EPB41: variants seen among roughly 807,000 people sequenced by gnomAD.
EPB41 encodes erythrocyte membrane protein band 4.1.
A neutral mutation model predicts 108.0 loss-of-function variants in EPB41; 65 were observed. The observed-to-expected ratio is 0.60, with a 90% CI of 0.49 to 0.74. The LOEUF (loss-of-function observed/expected upper bound fraction) is 0.74, where lower values mean the gene tolerates loss of function less well. Ranked by LOEUF, EPB41 falls within the 30% of genes least tolerant of loss-of-function variation. The probability of loss-of-function intolerance (pLI) is 0.00; values close to 1 mark genes in which losing one functional copy is unlikely to be tolerated. For synonymous variants in EPB41, 336 were observed against 358.9 expected (o/e 0.94, Z 0.72); for missense variants, 875 against 1,037.0 (o/e 0.84, Z 2.15).
chr1:29,113,953 G>C (rs554465146), intron 19 of EPB41, among the ~76,000 whole-genome samples: 11 of 152,276 alleles, frequency 7.2e-5, no homozygotes, highest in African/African-American at 2.6e-4. Flanking sequence ...GAGAAGACTT[G>C]AGCTGGGCCT....
At chr1:28,982,320 C>G in intron 1 of EPB41, 1 of 626,320 alleles carries the variant, frequency 1.6e-6, no homozygotes, top group Non-Finnish European at 3.1e-6. Context: ...TCTTGCCTGT[C>G]TTTTATCTCT....
At chr1:29,107,112 G>A (rs1381855560) in intron 17 of EPB41, among the ~76,000 whole-genome samples, 1 of 151,846 alleles carries the variant, frequency 6.6e-6, no homozygotes, top group Non-Finnish European at 1.5e-5. Context: ...GAACCCAGGA[G>A]GTGGAGGTTG....
At chr1:28,891,705 C>T (rs531195016) in intron 1 of EPB41, among the ~76,000 whole-genome samples, 18 of 152,250 alleles carry the variant, frequency 1.2e-4, no homozygotes, top group South Asian at 2.1e-4. Flanking sequence ...GCTGCAGTTC[C>T]GGGTTTGTGT....
At chr1:29,025,721 A>AT (rs2096710206) in intron 7 of EPB41, among the ~76,000 whole-genome samples, 1 of 151,842 alleles carries the variant, frequency 6.6e-6, no homozygotes, top group Admixed American at 6.6e-5. Flanking sequence ...AATGTGTATG[A>AT]TTTTTATAAT....
chr1:28,928,630 G>A (rs56277636), intron 1 of EPB41, among the ~76,000 whole-genome samples: 3,444 of 152,250 alleles, frequency 0.023, 47 homozygotes, highest in Non-Finnish European at 0.036. Flanking sequence ...TGATACCTGA[G>A]AAAACTACAG....
intron 1 of EPB41, among the ~76,000 whole-genome samples, chr1:28,976,358 T>C (rs1252904127): frequency 6.6e-6 from 1 of 152,102 alleles, no homozygotes; most frequent in African/African-American, 2.4e-5. Flanking sequence ...TGGAATCTAA[T>C]TTTTTTATTT....
chr1:29,075,001 A>AG (rs2151161184), intron 16 of EPB41, among the ~76,000 whole-genome samples: 1 of 152,158 alleles, frequency 6.6e-6, no homozygotes, highest in African/African-American at 2.4e-5. Context: ...TACTAAAAAT[A>AG]CAAAAATTAG....
chr1:29,051,871 C>G (rs1034609963), intron 11 of EPB41, among the ~76,000 whole-genome samples: 2 of 149,136 alleles, frequency 1.3e-5, no homozygotes, highest in African/African-American at 5.0e-5. Context: ...GCACTCTAGC[C>G]TAGGCGACAG....
chr1:28,901,937 TTTA>T lies in EPB41; in HGVS notation c.-8+14733_-8+14735del, dbSNP rs540061863. On this transcript the variant is annotated intron_variant, in intron 1 of 16. Transcript: ENST00000347529. The stretch of plus-strand genomic sequence containing the variant: ...CTTATGACTCTTTGACATACTGTAT[TTTA>T]TTATTTGTTTATTGTCTCTCCTCGC... Among the ~76,000 whole-genome samples the T allele has an allele frequency of 3.9e-5, 6 of 152,370 alleles. No individual in the cohort carries two copies. In the East Asian group the frequency reaches 1.2e-3, roughly 29 times the overall value.
chr1:29,078,251 C>T (rs908519782), intron 16 of EPB41, among the ~76,000 whole-genome samples: 1 of 152,016 alleles, frequency 6.6e-6, no homozygotes, highest in South Asian at 2.1e-4. Flanking sequence ...GAGATTTGGC[C>T]TGCTGCTTAT....
rs909581586 is a variant in EPB41, at chr1:29,115,855, G to A, written c.*6+52G>A. On this transcript the variant is annotated intron_variant, in intron 20 of 20. Coordinates refer to ENST00000343067, the MANE Select transcript of EPB41 (RefSeq NM_001376013.1). The surrounding 1 kb of genome is among the most constrained non-coding windows in gnomAD (Gnocchi z 4.4). ...GGGTGCCCACAGTCCCAGCCTGAGAGGGCTCTGGATGGGACCCTCGGACAC... is the reference window on the plus strand; with the variant it reads ...GGGTGCCCACAGTCCCAGCCTGAGAAGGCTCTGGATGGGACCCTCGGACAC... 1.3e-5 allele frequency: 19 copies of A among 1,430,470 alleles called. No homozygotes were observed. In the African/African-American group the frequency reaches 2.7e-4, roughly 20 times the overall value. 88.6% of individuals were successfully genotyped at this position (1,430,470 alleles called of 1,614,324 possible). A position where few individuals can be genotyped will look rare whatever the true frequency, so the allele number is the denominator to read the frequency against.
chr1:28,998,484 G>A (rs1214396872), intron 4 of EPB41, among the ~76,000 whole-genome samples: 1 of 152,172 alleles, frequency 6.6e-6, no homozygotes, highest in African/African-American at 2.4e-5. Flanking sequence ...ATTAAGAAAA[G>A]TTGAAGGGCA....
At chr1:29,085,329 G>T (rs1476635686) in intron 16 of EPB41, among the ~76,000 whole-genome samples, 2 of 151,672 alleles carry the variant, frequency 1.3e-5, no homozygotes, top group Non-Finnish European at 1.5e-5. Flanking sequence ...ATTTTTAGTG[G>T]AGATGGGGTT....
chr1:29,048,276 G>A (rs2985326), intron 11 of EPB41, among the ~76,000 whole-genome samples: 15,526 of 151,692 alleles, frequency 0.1, 1,024 homozygotes, highest in Non-Finnish European at 0.15. Flanking sequence ...GTGCAATGGC[G>A]TGATCTCGGC....
At chr1:28,937,204 G>A (rs2094070316) in intron 1 of EPB41, among the ~76,000 whole-genome samples, 1 of 152,084 alleles carries the variant, frequency 6.6e-6, no homozygotes, top group Admixed American at 6.6e-5. Context: ...GGCCATTTGT[G>A]TATCTTCTCT....
chr1:29,112,442 T>C lies in EPB41; in HGVS notation c.2490T>C (p.His830=), dbSNP rs1286251328. 6.2e-7 allele frequency: 1 copy of C among 1,613,678 alleles called. No homozygotes were observed. The highest frequency in any genetic ancestry group is 1.7e-5 in the Admixed American group (1 of 60,004). Residue 830 remains histidine (H), a synonymous_variant, in exon 19 of 21, where the codon CAT becomes CAC. Transcript: ENST00000343067. ...TCACAGGAGATGCTGATATTGACCA[T>C]GATCAGGTGGGAATGTTGAAGAGAT... ...IVITGDADID[H]DQVLVQAIKE...
intron 4 of EPB41, among the ~76,000 whole-genome samples, chr1:29,001,880 G>A (rs1174583489): frequency 1.3e-5 from 2 of 152,036 alleles, no homozygotes; most frequent in African/African-American, 4.8e-5. Flanking sequence ...CTGGGCCCAC[G>A]TCTATTTTTT....
Position 29,065,058 on chromosome 1 carries a change from C to T in EPB41, c.2084C>T (p.Ser695Phe). 3 of 1,614,158 alleles carry T rather than the reference C, an allele frequency of 1.9e-6. No homozygotes were observed. The highest frequency in any genetic ancestry group is 2.5e-6 in the Non-Finnish European group (3 of 1,180,024). ...GAGCTGAAAAAGAACTTCATGGAGT[C>T]TGTACCAGAACCACGGCCTAGTGAA... Reference protein sequence around the residue: ...ISELKKNFMESVPEPRPSEWD... With the variant: ...ISELKKNFMEFVPEPRPSEWD... The change falls in exon 16 of 21, where the codon TCT becomes TTT. Residue 695 changes from serine to phenylalanine, a missense_variant. Ser to Phe is a radical substitution (Grantham distance 155, BLOSUM62 -2). Coordinates refer to ENST00000343067, the MANE Select transcript of EPB41 (RefSeq NM_001376013.1).
intron 1 of EPB41, among the ~76,000 whole-genome samples, chr1:28,984,116 G>A (rs2095819989): frequency 6.6e-6 from 1 of 152,104 alleles, no homozygotes; most frequent in East Asian, 1.9e-4. Flanking sequence ...CTATCCCTCT[G>A]AAGTCAAGCT....
Sources: gnomAD v4.1 joint callset for allele counts (sites outside exome capture counted in the v4.1 genomes callset) on GRCh38, gnomAD v4.1.1 for gene constraint, Gnocchi (gnomAD v3.1) non-coding constraint, MANE v1.5 for transcripts, NCBI Gene and HGNC (gene_info 2026-07-23, HGNC 2026-07-21) for gene names.